The following CDK6 variants were observed in gnomAD, a reference collection of about 807,000 sequenced individuals.
The protein encoded by CDK6 is cyclin dependent kinase 6, also known as cyclin-dependent kinase 6.
Under a neutral mutation model 37.1 loss-of-function variants are expected in CDK6, and 6 were observed. The ratio of observed to expected loss-of-function variants is 0.16; its 90% confidence interval spans 0.09 to 0.32. The LOEUF (loss-of-function observed/expected upper bound fraction) is 0.32. CDK6 is among the 10% of genes least tolerant of loss of function. The pLI is 1.00. For synonymous variants in CDK6, 160 were observed against 161.3 expected (o/e 0.99, Z 0.06); for missense variants, 224 against 418.9 (o/e 0.53, Z 4.06).
chr7:92,788,382 T>G (rs1800196809), intron 2 of CDK6, among the ~76,000 whole-genome samples: 1 of 152,256 alleles, frequency 6.6e-6, no homozygotes, highest in Non-Finnish European at 1.5e-5. Context: ...CTGTTAGTCA[T>G]CTGGTTGTCC....
At chr7:92,628,547 C>T (rs531119718) in intron 5 of CDK6, among the ~76,000 whole-genome samples, 1 of 152,176 alleles carries the variant, frequency 6.6e-6, no homozygotes, top group East Asian at 1.9e-4. Context: ...ATTGCTCCCC[C>T]CTGCAAGAAG....
At chr7:92,717,672 G>C (rs780875906) in intron 4 of CDK6, among the ~76,000 whole-genome samples, 27 of 152,154 alleles carry the variant, frequency 1.8e-4, no homozygotes, top group Non-Finnish European at 3.7e-4. Flanking sequence ...CAGTTGAACT[G>C]TTTTTGTCCA....
At chr7:92,658,945 C>T (rs1157500344) in intron 5 of CDK6, among the ~76,000 whole-genome samples, 6 of 152,128 alleles carry the variant, frequency 3.9e-5, no homozygotes, top group Non-Finnish European at 8.8e-5. Context: ...TCGATAAACA[C>T]TTTATACTTG....
chr7:92,629,109 A>G (rs182890696), intron 5 of CDK6, among the ~76,000 whole-genome samples: 254 of 152,230 alleles, frequency 1.7e-3, no homozygotes, highest in Non-Finnish European at 2.8e-3. Context: ...AGTAATGACA[A>G]GGAAAGACCG....
At position 92,785,760 on chromosome 7, in the gene CDK6, G is replaced by A. The variant is rs572971102; in HGVS notation, c.234-10929C>T. 2.6e-5 allele frequency among the ~76,000 whole-genome samples: 4 copies of A among 152,288 alleles called. No individual in the cohort carries two copies. In the South Asian group the frequency reaches 8.3e-4, roughly 32 times the overall value. On this transcript the variant is annotated intron_variant, in intron 2 of 7. Coordinates refer to ENST00000424848, the MANE Select transcript of CDK6 (RefSeq NM_001145306.2). The stretch of plus-strand genomic sequence containing the variant: ...GTGAAGCAGAGGTCAGTGATGGGGA[G>A]ACTTTGTGACAAATGAGATACCCTG...
chr7:92,647,891 A>G (rs944361977), intron 5 of CDK6, among the ~76,000 whole-genome samples: 1 of 152,174 alleles, frequency 6.6e-6, no homozygotes, highest in African/African-American at 2.4e-5. Flanking sequence ...GCAAGTAGAG[A>G]CACTAACTGC....
At chr7:92,757,233 C>T (rs1799338979) in intron 3 of CDK6, among the ~76,000 whole-genome samples, 1 of 152,072 alleles carries the variant, frequency 6.6e-6, no homozygotes, top group African/African-American at 2.4e-5. Flanking sequence ...GTCTGTTGTA[C>T]AGATTATTTC....
intron 4 of CDK6, among the ~76,000 whole-genome samples, chr7:92,684,283 C>A (rs991229699): frequency 6.6e-6 from 1 of 152,016 alleles, no homozygotes; most frequent in African/African-American, 2.4e-5. Context: ...TGGTCTTAAG[C>A]CTAATTACAA....
intron 4 of CDK6, among the ~76,000 whole-genome samples, chr7:92,690,587 A>T (rs1797579007): frequency 6.6e-6 from 1 of 152,052 alleles, no homozygotes; most frequent in South Asian, 2.1e-4. Context: ...GAAATATTTA[A>T]TTCAGCATTT....
chr7:92,820,544 G>A (rs1160313135), intron 2 of CDK6, among the ~76,000 whole-genome samples: 1 of 152,114 alleles, frequency 6.6e-6, no homozygotes. Flanking sequence ...GTGGAAGAAA[G>A]GTTACGGGGA....
intron 4 of CDK6, among the ~76,000 whole-genome samples, chr7:92,672,172 CACACACACACAG>C (rs1562931122): frequency 3.1e-5 from 3 of 95,416 alleles, no homozygotes; most frequent in East Asian, 3.2e-4. Flanking sequence ...CACATACACA[CACACACACACAG>C]ACACATACAC....
intron 2 of CDK6, among the ~76,000 whole-genome samples, chr7:92,820,567 C>T (rs980975430): frequency 6.6e-6 from 1 of 152,044 alleles, no homozygotes; most frequent in Non-Finnish European, 1.5e-5. Flanking sequence ...AAATATTCTC[C>T]TCTTACTAAA....
At chr7:92,742,093 GT>G (rs1431525118) in intron 3 of CDK6, among the ~76,000 whole-genome samples, 5 of 152,108 alleles carry the variant, frequency 3.3e-5, no homozygotes, top group Non-Finnish European at 7.4e-5. Context: ...GTACTGGGTT[GT>G]TTTTAAGATT....
intron 2 of CDK6, among the ~76,000 whole-genome samples, chr7:92,779,672 C>T (rs1192432592): frequency 1.3e-5 from 2 of 152,294 alleles, no homozygotes; most frequent in East Asian, 1.9e-4. Context: ...CCACATCCTA[C>T]AGACCTAGTA....
At chr7:92,669,064 T>C (rs980376301) in intron 5 of CDK6, among the ~76,000 whole-genome samples, 2 of 152,190 alleles carry the variant, frequency 1.3e-5, no homozygotes, top group Non-Finnish European at 2.9e-5. Flanking sequence ...GCTGCCACTA[T>C]CATCAAAGGA....
intron 7 of CDK6, among the ~76,000 whole-genome samples, chr7:92,617,856 T>C (rs1302790807): frequency 6.6e-6 from 1 of 152,158 alleles, no homozygotes; most frequent in African/African-American, 2.4e-5. Context: ...TTTAAAAAAA[T>C]GTGGATCAGA....
At chr7:92,783,833 A>G (rs1185851007) in intron 2 of CDK6, among the ~76,000 whole-genome samples, 1 of 152,240 alleles carries the variant, frequency 6.6e-6, no homozygotes, top group Non-Finnish European at 1.5e-5. Context: ...CAAGCTATTT[A>G]GGATGGCTTA....
rs1002146592 is a variant in CDK6 at position 92,608,261 on chromosome 7, G to C, written c.*6879C>G. ...AATCCAAACTCCTAAAATTGAGAAA[G>C]GGTTATTTGTGTGACCAAACAACTC... is the stretch of plus-strand genomic sequence containing the variant. On this transcript the variant is annotated 3_prime_UTR_variant, in exon 8 of 8. Transcript: ENST00000424848. 1.3e-5 allele frequency: 3 copies of C among 232,028 alleles called. No individual in the cohort carries two copies. Among genetic ancestry groups the C allele is most frequent in the African/African-American group, 2.2e-5 (1 of 45,274 alleles). The allele number at this position is 232,028 out of a possible 1,614,324, so 14.4% of individuals were successfully genotyped here. A position where few individuals can be genotyped will look rare whatever the true frequency, so the allele number is the denominator to read the frequency against.
At chr7:92,672,489 A>G (rs1797113439) in intron 4 of CDK6, among the ~76,000 whole-genome samples, 1 of 152,006 alleles carries the variant, frequency 6.6e-6, no homozygotes, top group Non-Finnish European at 1.5e-5. Context: ...CAAGAAACTC[A>G]TTTAATACAG....
Sources: gnomAD v4.1 joint callset for allele counts (sites outside exome capture counted in the v4.1 genomes callset) on GRCh38, gnomAD v4.1.1 for gene constraint, MANE v1.5 for transcripts, NCBI Gene and HGNC (gene_info 2026-07-23, HGNC 2026-07-21) for gene names.